ERO1B: variants seen among roughly 807,000 people sequenced by gnomAD.
ERO1B encodes the protein ERO1-like protein beta.
A neutral mutation model predicts 75.3 loss-of-function variants in ERO1B; 49 were observed. That is an observed-to-expected ratio of 0.65 (90% CI 0.52 to 0.83). ERO1B has a LOEUF of 0.83. Ranked by LOEUF, ERO1B falls within the 40% of genes least tolerant of loss-of-function variation. The probability of loss-of-function intolerance (pLI) is 0.00; values close to 1 mark genes in which losing one functional copy is unlikely to be tolerated. For synonymous variants in ERO1B, 191 were observed against 192.9 expected, an observed-to-expected ratio of 0.99 and a Z score of 0.08; for missense variants, 512 against 560.1, an observed-to-expected ratio of 0.91 and a Z score of 0.87.
chr1:236,255,703 G>A (rs1665144733), intron 2 of ERO1B, among the ~76,000 whole-genome samples: 1 of 152,010 alleles, frequency 6.6e-6, no homozygotes, highest in African/African-American at 2.4e-5. Context: ...GAGGCAGTGG[G>A]GCAGGATGTG....
rs1163513293 is a variant in ERO1B, at chr1:236,281,793, T to G, written c.-10A>C. On this transcript the variant is annotated 5_prime_UTR_variant, in exon 1 of 16. Transcript: ENST00000354619. Reference sequence around the variant, plus strand: ...GGACCCCTTGGCTCATGCTGACCTCTACCCACACCGCGGCCAGCCGGACCC... The same window carrying G: ...GGACCCCTTGGCTCATGCTGACCTCGACCCACACCGCGGCCAGCCGGACCC... 2 of 1,436,804 alleles carry G rather than the reference T, an allele frequency of 1.4e-6. No individual in the cohort carries two copies. The highest frequency in any genetic ancestry group is 1.8e-6 in the Non-Finnish European group (2 of 1,089,200). The allele number at this position is 1,436,804 out of a possible 1,614,324, so 89.0% of individuals were successfully genotyped here. A position where few individuals can be genotyped will look rare whatever the true frequency, so the allele number is the denominator to read the frequency against.
In ERO1B at chr1:236,262,711, T is replaced by TTTTA. The variant is rs200708573; in HGVS notation, c.222+7160_222+7163dup. On this transcript the variant is annotated intron_variant, in intron 2 of 15. Coordinates refer to ENST00000354619, the MANE Select transcript of ERO1B (RefSeq NM_019891.4). ...TGAGCCACCATGCCCAGCCCTGCTG[T>TTTTA]TTTAAGCTGCTAAATTTAAAGCTAA... Among the ~76,000 whole-genome samples, 28 of 152,232 alleles carry TTTTA rather than the reference T, an allele frequency of 1.8e-4. No homozygotes were observed. The East Asian group carries it at 4.4e-3, about 24-fold the overall frequency.
At chr1:236,235,444 G>T (rs977679906) in intron 8 of ERO1B, among the ~76,000 whole-genome samples, 2 of 152,156 alleles carry the variant, frequency 1.3e-5, no homozygotes, top group Non-Finnish European at 2.9e-5. Flanking sequence ...CTCATTCCAA[G>T]GATTCTGACT....
chr1:236,219,146 G>A (rs1157873223), intron 15 of ERO1B, among the ~76,000 whole-genome samples: 7 of 152,086 alleles, frequency 4.6e-5, no homozygotes, highest in Non-Finnish European at 8.8e-5. Flanking sequence ...TACAATTCAG[G>A]GGTGATAGAA....
At chr1:236,228,793 A>T (rs1463169244) in intron 10 of ERO1B, among the ~76,000 whole-genome samples, 2 of 152,220 alleles carry the variant, frequency 1.3e-5, no homozygotes, top group African/African-American at 4.8e-5. Context: ...ACTGAATCTC[A>T]GAAAAGGTTG....
At chr1:236,272,792 GT>G (rs1226407185) in intron 1 of ERO1B, among the ~76,000 whole-genome samples, 3 of 151,926 alleles carry the variant, frequency 2.0e-5, no homozygotes, top group African/African-American at 7.3e-5. Context: ...TATGCTTGAG[GT>G]TTTTTTCCCC....
At chr1:236,233,739 T>C (rs1282542576) in intron 8 of ERO1B, among the ~76,000 whole-genome samples, 1 of 152,220 alleles carries the variant, frequency 6.6e-6, no homozygotes, top group African/African-American at 2.4e-5. Context: ...CACAATCCTC[T>C]CTGAACATTA....
At chr1:236,246,311 G>T (rs905805437) in intron 5 of ERO1B, among the ~76,000 whole-genome samples, 3 of 151,916 alleles carry the variant, frequency 2.0e-5, no homozygotes, top group African/African-American at 7.3e-5. Context: ...TGGGACTATA[G>T]GCTCATGCCA....
chr1:236,260,601 G>A (rs893038806), intron 2 of ERO1B, among the ~76,000 whole-genome samples: 1 of 150,964 alleles, frequency 6.6e-6, no homozygotes, highest in Admixed American at 6.6e-5. Flanking sequence ...GGAGATGGAG[G>A]TTGCAATGAG....
chr1:236,227,618 C>G (rs781433084), intron 10 of ERO1B, among the ~76,000 whole-genome samples: 2 of 152,176 alleles, frequency 1.3e-5, no homozygotes, highest in Non-Finnish European at 2.9e-5. Context: ...GTTTTTAACA[C>G]TTTCCCCATG....
Position 236,258,149 on chromosome 1 carries a change from C to CAAAAAAAAAAAAA in ERO1B, c.223-4657_223-4645dup, listed in dbSNP as rs58531434. Among the ~76,000 whole-genome samples the CAAAAAAAAAAAAA allele has an allele frequency of 1.9e-4, 18 of 96,566 alleles. 2 individuals carry two copies. The highest frequency in any genetic ancestry group is 3.3e-4 in the African/African-American group (7 of 21,042). 63.4% of individuals were successfully genotyped at this position (96,566 alleles called of 152,430 possible). A position where few individuals can be genotyped will look rare whatever the true frequency, so the allele number is the denominator to read the frequency against. ...AGAAAGAAAAAAAAGAAAAACAAAG[C>CAAAAAAAAAAAAA]AAAAAAAAAAAAAACCCAGCCAGAT... is the stretch of plus-strand genomic sequence containing the variant. On this transcript the variant is annotated intron_variant, in intron 2 of 15. Coordinates refer to ENST00000354619, the MANE Select transcript of ERO1B (RefSeq NM_019891.4).
intron 1 of ERO1B, among the ~76,000 whole-genome samples, chr1:236,278,958 T>C (rs1028920379): frequency 1.3e-5 from 2 of 152,228 alleles, no homozygotes; most frequent in Non-Finnish European, 2.9e-5. Flanking sequence ...ACCAATTTAT[T>C]ATATGGATGA....
chr1:236,261,492 A>C (rs1310392318), intron 2 of ERO1B, among the ~76,000 whole-genome samples: 1 of 152,198 alleles, frequency 6.6e-6, no homozygotes, highest in Non-Finnish European at 1.5e-5. Context: ...AGTCCATAGC[A>C]TTTCTATACA....
intron 1 of ERO1B, among the ~76,000 whole-genome samples, chr1:236,281,116 G>GT (rs1665819368): frequency 6.6e-6 from 1 of 152,214 alleles, no homozygotes; most frequent in South Asian, 2.1e-4. Flanking sequence ...GCTCAGCTGG[G>GT]TAAAAATAAA....
intron 6 of ERO1B, among the ~76,000 whole-genome samples, chr1:236,241,567 A>G: frequency 6.7e-6 from 1 of 150,208 alleles, no homozygotes; most frequent in Admixed American, 6.6e-5. Flanking sequence ...CAAATCAAAA[A>G]CAAACTGCAT....
At chr1:236,227,289 T>C (rs147232713) in intron 10 of ERO1B, among the ~76,000 whole-genome samples, 1 of 152,348 alleles carries the variant, frequency 6.6e-6, no homozygotes, top group East Asian at 1.9e-4. Context: ...GACTGTTTAC[T>C]ACTTCAGTGG....
At chr1:236,255,610 G>T (rs1334307537) in intron 2 of ERO1B, among the ~76,000 whole-genome samples, 1 of 152,250 alleles carries the variant, frequency 6.6e-6, no homozygotes, top group South Asian at 2.1e-4. Flanking sequence ...AGGTAGATTG[G>T]CAACATAGAG....
intron 2 of ERO1B, among the ~76,000 whole-genome samples, chr1:236,266,062 ATATTT>A (rs940588921): frequency 7.9e-5 from 12 of 152,332 alleles, no homozygotes; most frequent in African/African-American, 1.4e-4. Flanking sequence ...ATCTGAAATT[ATATTT>A]TATTGTTTAC....
intron 4 of ERO1B, among the ~76,000 whole-genome samples, chr1:236,250,721 C>T (rs1050563615): frequency 1.3e-5 from 2 of 149,596 alleles, no homozygotes; most frequent in East Asian, 1.9e-4. Flanking sequence ...TATATACATA[C>T]GTACATATAT....
Sources: gnomAD v4.1 joint callset for allele counts (sites outside exome capture counted in the v4.1 genomes callset) on GRCh38, gnomAD v4.1.1 for gene constraint, MANE v1.5 for transcripts, NCBI Gene and HGNC (gene_info 2026-07-23, HGNC 2026-07-21) for gene names.